The following SLX4IP variants were observed in gnomAD, a reference collection of about 807,000 sequenced individuals.
The protein encoded by SLX4IP is protein SLX4IP.
SLX4IP carries 34 observed loss-of-function variants against 32.9 expected under a neutral mutation model. The ratio of observed to expected loss-of-function variants is 1.03; its 90% CI spans 0.79 to 1.38. The LOEUF is 1.38. Among genes scored for constraint, SLX4IP ranks in the 40% most tolerant of loss-of-function variants. The pLI, the probability that SLX4IP is intolerant of heterozygous loss-of-function variation, is 0.00. For missense variants in SLX4IP, 444 were observed against 479.0 expected (o/e 0.93, Z 0.68); for synonymous variants, 172 against 171.7 (o/e 1.00, Z -0.01).
At chr20:10,497,945 T>C in intron 2 of SLX4IP, among the ~76,000 whole-genome samples, 1 of 151,964 alleles carries the variant, frequency 6.6e-6, no homozygotes, top group East Asian at 1.9e-4. Flanking sequence ...AGCTTTCTCT[T>C]CTCTCTACTC....
At chr20:10,523,483 CAT>C (rs1709177795) in intron 2 of SLX4IP, among the ~76,000 whole-genome samples, 1 of 152,188 alleles carries the variant, frequency 6.6e-6, no homozygotes, top group South Asian at 2.1e-4. Context: ...TATCTACAGA[CAT>C]ATGATTATAT....
intron 2 of SLX4IP, among the ~76,000 whole-genome samples, chr20:10,471,932 G>C (rs2065428017): frequency 6.6e-6 from 1 of 152,130 alleles, no homozygotes; most frequent in Non-Finnish European, 1.5e-5. Flanking sequence ...AGCTTCCCCA[G>C]AGCACATGAA....
At chr20:10,451,192 A>G (rs1302574568) in intron 1 of SLX4IP, among the ~76,000 whole-genome samples, 2 of 148,190 alleles carry the variant, frequency 1.3e-5, no homozygotes, top group East Asian at 4.1e-4. Context: ...ACAGAGTATC[A>G]CTCTGTCACC....
At chr20:10,515,245 C>T (rs892771419) in intron 2 of SLX4IP, among the ~76,000 whole-genome samples, 15 of 151,860 alleles carry the variant, frequency 9.9e-5, no homozygotes, top group Non-Finnish European at 2.1e-4. Context: ...CCACCATGCC[C>T]AGCTAATTTT....
chr20:10,613,339 T>C (rs1354401777), intron 6 of SLX4IP: 3 of 989,770 alleles, frequency 3.0e-6, no homozygotes, highest in Non-Finnish European at 1.6e-6. Flanking sequence ...ACACCTTTTC[T>C]CAAGAGTTGA....
intron 6 of SLX4IP, among the ~76,000 whole-genome samples, chr20:10,612,021 T>C (rs1035512270): frequency 6.6e-6 from 1 of 152,084 alleles, no homozygotes; most frequent in South Asian, 2.1e-4. Context: ...TCTTTGTGGG[T>C]CTCATTCTTC....
intron 7 of SLX4IP, 21 bp from the exon 8 acceptor site, chr20:10,622,638 A>G (rs762877496): frequency 1.8e-5 from 28 of 1,586,946 alleles, no homozygotes; most frequent in Non-Finnish European, 2.3e-5. Context: ...CAAACCATAA[A>G]ATCATTTTTG....
chr20:10,501,358 C>T (rs2065716763), intron 2 of SLX4IP, among the ~76,000 whole-genome samples: 1 of 152,040 alleles, frequency 6.6e-6, no homozygotes, highest in South Asian at 2.1e-4. Flanking sequence ...CACAGTCTAT[C>T]CTTTCAAAAA....
chr20:10,518,422 TC>T (rs1568719943), intron 2 of SLX4IP, among the ~76,000 whole-genome samples: 3 of 104,872 alleles, frequency 2.9e-5, no homozygotes, highest in African/African-American at 6.7e-5. Flanking sequence ...CTTCCTTCCT[TC>T]CCTCCCTCCC....
At chr20:10,487,252 A>C (rs970355379) in intron 2 of SLX4IP, among the ~76,000 whole-genome samples, 2 of 152,188 alleles carry the variant, frequency 1.3e-5, no homozygotes, top group African/African-American at 4.8e-5. Flanking sequence ...CATAACTCCC[A>C]GTTTTCCAAG....
intron 1 of SLX4IP, among the ~76,000 whole-genome samples, chr20:10,454,884 A>G (rs975853058): frequency 6.6e-6 from 1 of 152,224 alleles, no homozygotes; most frequent in East Asian, 1.9e-4. Context: ...GTTCCAGTTT[A>G]TTCACATCCT....
rs754151335 is a variant in SLX4IP, at chr20:10,623,123, T to C, written c.971T>C (p.Ile324Thr). ...GSDRLVPREI[I>T]VEKSKAVRVL... Reference sequence around the variant, plus strand: ...GATCGATTAGTCCCGAGAGAAATAATAGTGGAAAAAAGCAAAGCTGTCAGG... The same window carrying C: ...GATCGATTAGTCCCGAGAGAAATAACAGTGGAAAAAAGCAAAGCTGTCAGG... Residue 324 changes from isoleucine to threonine, a missense_variant, in exon 8 of 8, where the codon ATA becomes ACA. Coordinates refer to ENST00000334534, the MANE Select transcript of SLX4IP (RefSeq NM_001009608.3). 1.2e-5 allele frequency: 20 copies of C among 1,614,048 alleles called. No individual in the cohort carries two copies. In the East Asian group the frequency reaches 4.2e-4, roughly 34 times the overall value.
chr20:10,542,528 G>A (rs2066118335), intron 2 of SLX4IP, among the ~76,000 whole-genome samples: 1 of 152,016 alleles, frequency 6.6e-6, no homozygotes, highest in African/African-American at 2.4e-5. Context: ...ACTCTTATTT[G>A]GGTACGTGAT....
chr20:10,554,752 G>A (rs1468112109), intron 2 of SLX4IP, among the ~76,000 whole-genome samples: 1 of 151,730 alleles, frequency 6.6e-6, no homozygotes, highest in East Asian at 1.9e-4. Context: ...TTTGTGAAGT[G>A]TCTATTCAAA....
intron 2 of SLX4IP, among the ~76,000 whole-genome samples, chr20:10,505,061 C>A (rs2065747804): frequency 1.3e-5 from 2 of 152,156 alleles, no homozygotes; most frequent in Admixed American, 1.3e-4. Flanking sequence ...TTTCGTGTTG[C>A]AACATGAACC....
chr20:10,487,960 G>GT (rs1258091646), intron 2 of SLX4IP, among the ~76,000 whole-genome samples: 2 of 152,088 alleles, frequency 1.3e-5, no homozygotes, highest in East Asian at 1.9e-4. Flanking sequence ...TGAGATATCA[G>GT]TTTTTTGTGG....
intron 2 of SLX4IP, among the ~76,000 whole-genome samples, chr20:10,487,588 G>A (rs2065585908): frequency 6.6e-6 from 1 of 152,166 alleles, no homozygotes; most frequent in African/African-American, 2.4e-5. Flanking sequence ...ATGGACCTGG[G>A]TGTCTTGATT....
intron 4 of SLX4IP, among the ~76,000 whole-genome samples, chr20:10,570,029 C>T (rs2122512837): frequency 1.3e-5 from 2 of 152,318 alleles, no homozygotes; most frequent in South Asian, 4.1e-4. Context: ...AGTATGTTCT[C>T]CGTCTTATTT....
At chr20:10,551,529 G>T (rs2066218069) in intron 2 of SLX4IP, among the ~76,000 whole-genome samples, 1 of 152,138 alleles carries the variant, frequency 6.6e-6, no homozygotes, top group Non-Finnish European at 1.5e-5. Flanking sequence ...TTCACTGAGG[G>T]CTGGTAGTGT....
Sources: gnomAD v4.1 joint callset for allele counts (sites outside exome capture counted in the v4.1 genomes callset) on GRCh38, gnomAD v4.1.1 for gene constraint, MANE v1.5 for transcripts, NCBI Gene and HGNC (gene_info 2026-07-23, HGNC 2026-07-21) for gene names.